KCNIP4: variants seen among roughly 807,000 people sequenced by gnomAD.
The protein encoded by KCNIP4 is potassium voltage-gated channel interacting protein 4.
In KCNIP4, 12 loss-of-function variants were observed where a neutral mutation model predicts 34.0. That is an observed-to-expected ratio of 0.35 (90% CI 0.23 to 0.57). KCNIP4 has a LOEUF of 0.57. KCNIP4 is among the 20% of genes least tolerant of loss of function. The pLI is 0.83. For missense variants in KCNIP4, 238 were observed against 311.7 expected, an observed-to-expected ratio of 0.76 and a Z score of 1.78; for synonymous variants, 124 against 102.2, an observed-to-expected ratio of 1.21 and a Z score of -1.29.
chr4:21,292,777 C>T (rs1400787025), intron 1 of KCNIP4, among the ~76,000 whole-genome samples: 1 of 152,124 alleles, frequency 6.6e-6, no homozygotes, highest in Non-Finnish European at 1.5e-5. Context: ...ATATCTAAGC[C>T]TATATTCTCT....
intron 1 of KCNIP4, among the ~76,000 whole-genome samples, chr4:21,063,836 G>A (rs574870891): frequency 6.6e-6 from 1 of 152,036 alleles, no homozygotes; most frequent in East Asian, 1.9e-4. Flanking sequence ...AGAGAAGAGA[G>A]AATAAAAAAA....
At chr4:21,377,513 TACAGA>T (rs1721064696) in intron 1 of KCNIP4, among the ~76,000 whole-genome samples, 1 of 152,236 alleles carries the variant, frequency 6.6e-6, no homozygotes, top group African/African-American at 2.4e-5. Flanking sequence ...ATGAGTAATT[TACAGA>T]AAGAAAGGGA....
chr4:20,965,730 A>T (rs531915773), intron 1 of KCNIP4, among the ~76,000 whole-genome samples: 4 of 152,230 alleles, frequency 2.6e-5, no homozygotes, highest in Non-Finnish European at 5.9e-5. Flanking sequence ...TCTGAACTTT[A>T]CAAAGATTTT....
At chr4:21,775,529 C>A (rs891484277) in intron 1 of KCNIP4, among the ~76,000 whole-genome samples, 5 of 152,172 alleles carry the variant, frequency 3.3e-5, no homozygotes, top group Non-Finnish European at 5.9e-5. Context: ...ACCCATTTGT[C>A]TGGGCTGCCC....
intron 1 of KCNIP4, among the ~76,000 whole-genome samples, chr4:21,020,146 G>A (rs530804590): frequency 1.3e-5 from 2 of 152,220 alleles, no homozygotes; most frequent in African/African-American, 4.8e-5. Context: ...GCCCTTAAAA[G>A]CTTTTAAATG....
At chr4:21,111,214 G>A (rs1321810907) in intron 1 of KCNIP4, among the ~76,000 whole-genome samples, 1 of 152,170 alleles carries the variant, frequency 6.6e-6, no homozygotes, top group Non-Finnish European at 1.5e-5. Context: ...AGTCGCCAAG[G>A]AAGAGAGAAC....
At chr4:20,889,662 T>C (rs1725697863) in intron 1 of KCNIP4, among the ~76,000 whole-genome samples, 1 of 152,040 alleles carries the variant, frequency 6.6e-6, no homozygotes, top group African/African-American at 2.4e-5. Context: ...AGGGCTGATA[T>C]TTTAAGTTGA....
At chr4:21,296,732 T>G (rs755002737) in intron 1 of KCNIP4, among the ~76,000 whole-genome samples, 1 of 151,990 alleles carries the variant, frequency 6.6e-6, no homozygotes, top group Non-Finnish European at 1.5e-5. Flanking sequence ...AAACACACAC[T>G]TGTTATAATT....
chr4:21,295,045 C>T (rs1377396143), intron 1 of KCNIP4, among the ~76,000 whole-genome samples: 2 of 152,016 alleles, frequency 1.3e-5, no homozygotes, highest in African/African-American at 4.8e-5. Flanking sequence ...CTAGTAAAGT[C>T]CTATTAAGAC....
intron 1 of KCNIP4, among the ~76,000 whole-genome samples, chr4:21,234,073 A>T (rs1759041332): frequency 9.5e-6 from 1 of 105,644 alleles, no homozygotes. Flanking sequence ...ATAACATAAC[A>T]TAACATATAA....
At chr4:21,621,902 G>A (rs1002546602) in intron 1 of KCNIP4, among the ~76,000 whole-genome samples, 5 of 152,064 alleles carry the variant, frequency 3.3e-5, no homozygotes, top group Non-Finnish European at 5.9e-5. Context: ...GACCTAAGCC[G>A]GCATAAGCTC....
intron 1 of KCNIP4, among the ~76,000 whole-genome samples, chr4:21,070,663 ATTTTTTTTTTTTTT>A (rs1203011253): frequency 2.8e-4 from 14 of 49,616 alleles, no homozygotes; most frequent in African/African-American, 9.3e-4. Context: ...GAGTTTTGAG[ATTTTTTTTTTTTTT>A]TTTTTTTTTT....
At chr4:20,836,453 T>C (rs545619637) in intron 3 of KCNIP4, among the ~76,000 whole-genome samples, 5 of 152,248 alleles carry the variant, frequency 3.3e-5, no homozygotes, top group Non-Finnish European at 5.9e-5. Flanking sequence ...ATTGGATCTA[T>C]GTCTATCTAT....
At chr4:20,981,821 A>G (rs1289143320) in intron 1 of KCNIP4, among the ~76,000 whole-genome samples, 1 of 152,216 alleles carries the variant, frequency 6.6e-6, no homozygotes, top group Non-Finnish European at 1.5e-5. Context: ...TTCACATAAT[A>G]TCTATAAATA....
At chr4:21,383,414 G>A (rs1423611084) in intron 1 of KCNIP4, among the ~76,000 whole-genome samples, 1 of 149,976 alleles carries the variant, frequency 6.7e-6, no homozygotes, top group African/African-American at 2.5e-5. Context: ...GGTGCTATGG[G>A]ACACCTACCC....
intron 1 of KCNIP4, among the ~76,000 whole-genome samples, chr4:21,833,268 T>C (rs1319023110): frequency 6.6e-6 from 1 of 151,796 alleles, no homozygotes; most frequent in Non-Finnish European, 1.5e-5. Flanking sequence ...TCCTGACTTT[T>C]TAATGATTGC....
At chr4:20,913,470 G>T (rs921549560) in intron 1 of KCNIP4, among the ~76,000 whole-genome samples, 1 of 152,124 alleles carries the variant, frequency 6.6e-6, no homozygotes, top group Non-Finnish European at 1.5e-5. Context: ...GGTAATGATT[G>T]CATAACCTTG....
intron 1 of KCNIP4, among the ~76,000 whole-genome samples, chr4:21,515,277 G>A (rs1368921936): frequency 6.6e-6 from 1 of 152,118 alleles, no homozygotes; most frequent in East Asian, 1.9e-4. Context: ...TTCTCAATGG[G>A]TGCTATAGTT....
chr4:21,456,948 T>A (rs1019575656), intron 1 of KCNIP4, among the ~76,000 whole-genome samples: 51 of 152,206 alleles, frequency 3.4e-4, no homozygotes, highest in Non-Finnish European at 7.4e-5. Context: ...CTCCAGGCTA[T>A]CTTGAGCTGT....
Sources: allele counts gnomAD v4.1 joint callset (sites outside exome capture counted in the v4.1 genomes callset), GRCh38; gene constraint gnomAD v4.1.1; transcripts MANE v1.5; gene names NCBI Gene and HGNC (gene_info 2026-07-23, HGNC 2026-07-21).